The following SYT13 variants were observed in gnomAD, a reference collection of about 807,000 sequenced individuals.
SYT13 encodes synaptotagmin 13, also known as synaptotagmin-13.
SYT13 carries 21 observed loss-of-function variants against 38.6 expected under a neutral mutation model. The ratio of observed to expected loss-of-function variants is 0.54; its 90% CI spans 0.39 to 0.78. The LOEUF (loss-of-function observed/expected upper bound fraction) is 0.78. Ranked by LOEUF, SYT13 falls within the 30% of genes least tolerant of loss-of-function variation. SYT13 has a pLI of 0.00. For synonymous variants in SYT13, 241 were observed against 237.6 expected (o/e 1.01, Z -0.13); for missense variants, 495 against 548.7 (o/e 0.90, Z 0.98).
chr11:45,275,050 G>A (rs548177672), intron 1 of SYT13, among the ~76,000 whole-genome samples: 13 of 152,154 alleles, frequency 8.5e-5, no homozygotes, highest in Middle Eastern at 3.4e-3. Flanking sequence ...GAGATCCTTC[G>A]GTGGACTCAG....
intron 1 of SYT13, among the ~76,000 whole-genome samples, chr11:45,277,232 C>T (rs187085993): frequency 7.9e-4 from 118 of 148,874 alleles, no homozygotes; most frequent in African/African-American, 2.9e-3. Context: ...TGGAGGAGGG[C>T]GGAATAGTGA....
rs538426510 is a variant in SYT13 at position 45,265,812 on chromosome 11, A to C, written c.184-9921T>G. Among the ~76,000 whole-genome samples, 359 of 152,262 alleles carry C rather than the reference A, an allele frequency of 2.4e-3. 3 individuals carry two copies. The highest frequency in any genetic ancestry group is 8.2e-3 in the African/African-American group (339 of 41,536). On this transcript the variant is annotated intron_variant, in intron 1 of 5. Transcript: ENST00000020926. ...GTTCCCTAATTCCCCCACAACAAAG[A>C]ATTATCAACCCAAAATGTCATTAGG... is the stretch of plus-strand genomic sequence containing the variant.
chr11:45,263,111 C>T (rs778308960), intron 1 of SYT13, among the ~76,000 whole-genome samples: 11 of 152,150 alleles, frequency 7.2e-5, no homozygotes, highest in African/African-American at 1.4e-4. Context: ...CAGACGCCTC[C>T]GGCTCTGCCT....
Position 45,240,550 on chromosome 11 carries a change from C to T in SYT13, c.*3502G>A, listed in dbSNP as rs978627134. 6 of 152,320 alleles carry T rather than the reference C, an allele frequency of 3.9e-5. No individual in the cohort carries two copies. Among genetic ancestry groups the T allele is most frequent in the African/African-American group, 1.4e-4 (6 of 41,446 alleles). 9.4% of individuals were successfully genotyped at this position (152,320 alleles called of 1,614,324 possible). A position where few individuals can be genotyped will look rare whatever the true frequency, so the allele number is the denominator to read the frequency against. ...GAGAAATGGACCCTGAATAACTGGT[C>T]TCCTAGCTGATTCTCTGTGCCCAGC... On this transcript the variant is annotated 3_prime_UTR_variant, in exon 6 of 6. Transcript: ENST00000020926.
At chr11:45,269,332 C>G in intron 1 of SYT13, 2 of 773,168 alleles carry the variant, frequency 2.6e-6, no homozygotes, top group Non-Finnish European at 3.4e-6. Flanking sequence ...AAAAAACAAA[C>G]AAAAAAACAA....
At chr11:45,267,227 C>A (rs1475640180) in intron 1 of SYT13, among the ~76,000 whole-genome samples, 6 of 152,186 alleles carry the variant, frequency 3.9e-5, no homozygotes, top group African/African-American at 9.6e-5. Flanking sequence ...CCCTGCGGAA[C>A]CACCAGGCCC....
In SYT13 at chr11:45,252,575, T is replaced by A; in HGVS notation, c.692A>T (p.Glu231Val). 1 of 1,614,044 alleles carries A rather than the reference T, an allele frequency of 6.2e-7. No individual in the cohort carries two copies. The highest frequency in any genetic ancestry group is 1.1e-5 in the South Asian group (1 of 91,082). Reference protein sequence around the residue: ...WEEGLVLPLAEEELPTATLTL... With the variant: ...WEEGLVLPLAVEELPTATLTL... Reference sequence around the variant, plus strand: ...CAGGGTGGCTGTGGGGAGCTCCTCCTCCGCCAGGGGGAGCACCAGGCCCTC... The same window carrying A: ...CAGGGTGGCTGTGGGGAGCTCCTCCACCGCCAGGGGGAGCACCAGGCCCTC... The change falls in exon 4 of 6, where the codon GAG becomes GTG. Residue 231 changes from glutamate to valine, a missense_variant. Glu to Val is a moderately radical substitution (Grantham distance 121). Transcript: ENST00000020926. This position sits in a 1 kb window ranked among gnomAD's most constrained non-coding sequence, Gnocchi z 4.3.
chr11:45,271,163 G>A (rs1346149314), intron 1 of SYT13, among the ~76,000 whole-genome samples: 1 of 152,196 alleles, frequency 6.6e-6, no homozygotes, highest in Non-Finnish European at 1.5e-5. Flanking sequence ...CTCAGACACA[G>A]GGTGTTTGTT....
intron 1 of SYT13, among the ~76,000 whole-genome samples, chr11:45,271,554 C>T (rs1854949500): frequency 6.6e-6 from 1 of 152,058 alleles, no homozygotes; most frequent in African/African-American, 2.4e-5. Flanking sequence ...AATGGTGAGG[C>T]TAGGTCATAA....
chr11:45,255,805 C>T lies in SYT13; in HGVS notation c.270G>A (p.Thr90=), dbSNP rs149234304. ...CTGCATAGTTGATGACCTCTGGAGC[C>T]GTCACAGCTGGCCTGGGTCCATAGA... ...PDIYGPRPAV[T]APEVINYADY... The change falls in exon 2 of 6, where the codon ACG becomes ACA. Residue 90 remains threonine, a synonymous_variant. Transcript: ENST00000020926. The T allele has an allele frequency of 2.7e-4, 434 of 1,614,156 alleles. 1 individual carries two copies. In the African/African-American group the frequency reaches 5.0e-3, roughly 19 times the overall value.
In SYT13 at chr11:45,252,778, G is replaced by C. The variant is rs1227888389; in HGVS notation, c.545-56C>G. 1.3e-6 allele frequency: 2 copies of C among 1,507,580 alleles called. No individual in the cohort carries two copies. Among genetic ancestry groups the C allele is most frequent in the Non-Finnish European group, 1.8e-6 (2 of 1,122,400 alleles). 93.4% of individuals were successfully genotyped at this position (1,507,580 alleles called of 1,614,324 possible). A position where few individuals can be genotyped will look rare whatever the true frequency, so the allele number is the denominator to read the frequency against. On this transcript the variant is annotated intron_variant, in intron 3 of 5. Coordinates refer to ENST00000020926, the MANE Select transcript of SYT13 (RefSeq NM_020826.3). This position sits in a 1 kb window ranked among gnomAD's most constrained non-coding sequence, Gnocchi z 4.3. Reference sequence around the variant, plus strand: ...GACTTTCTGAGGACAAGTGGAGGGGGCAGAAGCACGCCTTGCTTAGGGCTG... The same window carrying C: ...GACTTTCTGAGGACAAGTGGAGGGGCCAGAAGCACGCCTTGCTTAGGGCTG...
At chr11:45,255,643 T>C (rs1298559821) in intron 2 of SYT13, 23 bp downstream of exon 2, 1 of 1,605,654 alleles carries the variant, frequency 6.2e-7, no homozygotes. Flanking sequence ...CCCATGGAAG[T>C]GCAGGGGGCA....
At chr11:45,264,953 C>A (rs1433390274) in intron 1 of SYT13, among the ~76,000 whole-genome samples, 2 of 152,162 alleles carry the variant, frequency 1.3e-5, no homozygotes, top group African/African-American at 4.8e-5. Flanking sequence ...AAACATAAAT[C>A]TACCCTATGA....
chr11:45,256,678 A>T (rs1026949128), intron 1 of SYT13, among the ~76,000 whole-genome samples: 4 of 152,138 alleles, frequency 2.6e-5, no homozygotes, highest in Admixed American at 2.6e-4. Flanking sequence ...TCCCACTAGC[A>T]TGTGAGATCT....
intron 1 of SYT13, among the ~76,000 whole-genome samples, chr11:45,276,567 A>G (rs1418284851): frequency 1.3e-5 from 2 of 152,128 alleles, no homozygotes; most frequent in South Asian, 2.1e-4. Context: ...TGTATCCCAG[A>G]ACTTATAATA....
chr11:45,286,175 G>A lies in SYT13; in HGVS notation c.33C>T (p.Gly11=), dbSNP rs575544144. The A allele has an allele frequency of 8.9e-6, 14 of 1,579,370 alleles. No individual in the cohort carries two copies. The South Asian group carries it at 1.6e-4, about 18-fold the overall frequency. The stretch of plus-strand genomic sequence containing the variant: ...TGCTGGTGGCTGTGCCCAGCGTGGC[G>A]CCCAGCGCGATCACAGGCACCGACA... MVLSVPVIAL[G]ATLGTATSIL... Residue 11 remains glycine, a synonymous_variant, in exon 1 of 6, where the codon GGC becomes GGT. Coordinates refer to ENST00000020926, the MANE Select transcript of SYT13 (RefSeq NM_020826.3).
Position 45,286,014 on chromosome 11 carries a change from C to G in SYT13, c.183+11G>C. On this transcript the variant is annotated intron_variant, in intron 1 of 5. Coordinates refer to ENST00000020926, the MANE Select transcript of SYT13 (RefSeq NM_020826.3). ...TTGCCCGGGAAGGGCCTGCGCGCCG[C>G]CCCCGCTCACCTGTTGTGCAGACCC... 3.7e-6 allele frequency: 6 copies of G among 1,602,668 alleles called. No individual in the cohort carries two copies. The highest frequency in any genetic ancestry group is 5.1e-6 in the Non-Finnish European group (6 of 1,178,570).
intron 1 of SYT13, among the ~76,000 whole-genome samples, chr11:45,276,279 G>A (rs1565396133): frequency 6.6e-6 from 1 of 152,194 alleles, no homozygotes; most frequent in Non-Finnish European, 1.5e-5. Flanking sequence ...CATGTCCTTT[G>A]CAGGGATATG....
At chr11:45,246,991 C>G (rs569522008) in intron 4 of SYT13, among the ~76,000 whole-genome samples, 43 of 152,112 alleles carry the variant, frequency 2.8e-4, no homozygotes, top group Non-Finnish European at 4.7e-4. Flanking sequence ...ATAGTTCTTT[C>G]CAGCTCCAGG....
Sources: allele counts gnomAD v4.1 joint callset (sites outside exome capture counted in the v4.1 genomes callset), GRCh38; gene constraint gnomAD v4.1.1; non-coding constraint Gnocchi (gnomAD v3.1); transcripts MANE v1.5; gene names NCBI Gene and HGNC (gene_info 2026-07-23, HGNC 2026-07-21).